The following ATXN7 variants were observed in gnomAD, a reference collection of about 807,000 sequenced individuals.
ATXN7 encodes ataxin 7.
A neutral mutation model predicts 70.5 loss-of-function variants in ATXN7; 12 were observed. The ratio of observed to expected loss-of-function variants is 0.17; its 90% CI spans 0.11 to 0.28. The LOEUF is 0.28. ATXN7 is among the 10% of genes least tolerant of loss of function. The pLI, the probability that ATXN7 is intolerant of heterozygous loss-of-function variation, is 1.00. For synonymous variants in ATXN7, 498 were observed against 448.7 expected (o/e 1.11, Z -1.39); for missense variants, 1,256 against 1,131.7 (o/e 1.11, Z -1.58).
intron 1 of ATXN7, among the ~76,000 whole-genome samples, chr3:63,865,699 G>A (rs932649699): frequency 2.0e-5 from 3 of 151,270 alleles, no homozygotes; most frequent in African/African-American, 4.9e-5. Flanking sequence ...AGACCATCCC[G>A]GCTAAAACGG....
At chr3:63,879,329 C>G (rs750312213) in intron 1 of ATXN7, among the ~76,000 whole-genome samples, 3 of 152,018 alleles carry the variant, frequency 2.0e-5, no homozygotes, top group Non-Finnish European at 4.4e-5. Context: ...TAAAATTAAA[C>G]TAACATTTAA....
chr3:63,931,966 C>T (rs2074553720), intron 4 of ATXN7, among the ~76,000 whole-genome samples: 1 of 152,194 alleles, frequency 6.6e-6, no homozygotes, highest in Admixed American at 6.5e-5. Context: ...CCTTGCATCA[C>T]TTCATGTATA....
Position 63,912,930 on chromosome 3 carries a change from GT to G in ATXN7, c.325+8del. 1 of 1,608,648 alleles carries G rather than the reference GT, an allele frequency of 6.2e-7. No individual in the cohort carries two copies. ...AAACTTCCTGGGAAGGACGGTGAGTGTCCACGCCCTCCTCCCCCCTTCACCC... is the reference window on the plus strand; with the variant it reads ...AAACTTCCTGGGAAGGACGGTGAGTGCCACGCCCTCCTCCCCCCTTCACCC... On this transcript the variant is annotated splice_region_variant and intron_variant, in intron 3 of 12. Coordinates refer to ENST00000674280, the MANE Select transcript of ATXN7 (RefSeq NM_001377405.1).
intron 5 of ATXN7, among the ~76,000 whole-genome samples, chr3:63,974,682 A>G (rs1202798709): frequency 1.3e-5 from 2 of 152,240 alleles, no homozygotes; most frequent in East Asian, 1.9e-4. Context: ...ATCCCGTAGC[A>G]TGGTGCCTGG....
chr3:63,982,853 CTG>C (rs2106762589), intron 7 of ATXN7, 84 bp from the exon 8 acceptor site: 1 of 1,001,170 alleles, frequency 1.0e-6, no homozygotes, highest in Non-Finnish European at 1.6e-6. Context: ...ATTTATCTAA[CTG>C]TTGATTTCTT....
At chr3:63,875,561 T>A (rs1400812268) in intron 1 of ATXN7, among the ~76,000 whole-genome samples, 1 of 152,212 alleles carries the variant, frequency 6.6e-6, no homozygotes, top group African/African-American at 2.4e-5. Flanking sequence ...AGGAGCTGAT[T>A]TACCCCATCT....
chr3:63,972,228 C>T (rs2075322260), intron 5 of ATXN7, among the ~76,000 whole-genome samples: 1 of 152,154 alleles, frequency 6.6e-6, no homozygotes, highest in South Asian at 2.1e-4. Context: ...TTGATACATG[C>T]GTTGTTACTT....
rs1362940110 is a variant in ATXN7, at chr3:63,990,436, G to T, written c.1560+62G>T. 6.9e-6 allele frequency: 11 copies of T among 1,585,826 alleles called. No individual in the cohort carries two copies. The East Asian group carries it at 1.3e-4, about 19-fold the overall frequency. On this transcript the variant is annotated intron_variant, in intron 10 of 12. Coordinates refer to ENST00000674280, the MANE Select transcript of ATXN7 (RefSeq NM_001377405.1). ...ACACAGCATGGACAGGGCACTGCAGGGGGGCGCGCCAGGGATCTTGGCATG... is the reference window on the plus strand; with the variant it reads ...ACACAGCATGGACAGGGCACTGCAGTGGGGCGCGCCAGGGATCTTGGCATG...
chr3:63,895,444 C>T (rs9825705), intron 1 of ATXN7, among the ~76,000 whole-genome samples: 13 of 152,054 alleles, frequency 8.5e-5, no homozygotes, highest in African/African-American at 3.1e-4. Context: ...TTTTATAACA[C>T]ATTCTGGTGA....
intron 4 of ATXN7, among the ~76,000 whole-genome samples, chr3:63,936,427 A>G (rs746527901): frequency 5.3e-5 from 8 of 152,202 alleles, no homozygotes; most frequent in Admixed American, 2.0e-4. Flanking sequence ...GAAAATAGCC[A>G]ACTGAATGCT....
chr3:63,981,818 A>G (rs1465222062), intron 6 of ATXN7, among the ~76,000 whole-genome samples: 3 of 152,234 alleles, frequency 2.0e-5, no homozygotes, highest in Non-Finnish European at 4.4e-5. Flanking sequence ...TCCTCAAAAG[A>G]TATTCTCCAA....
At chr3:63,963,065 G>A (rs972934389) in intron 5 of ATXN7, among the ~76,000 whole-genome samples, 8 of 151,534 alleles carry the variant, frequency 5.3e-5, no homozygotes, top group South Asian at 4.2e-4. Context: ...ACAGGCACAC[G>A]CCACCACACC....
chr3:63,885,884 G>C (rs528300316), intron 1 of ATXN7, among the ~76,000 whole-genome samples: 1 of 152,268 alleles, frequency 6.6e-6, no homozygotes, highest in East Asian at 1.9e-4. Context: ...GGGCATGGTA[G>C]CATGCACCTG....
intron 1 of ATXN7, among the ~76,000 whole-genome samples, chr3:63,876,228 T>A (rs1440016748): frequency 1.3e-5 from 2 of 152,184 alleles, no homozygotes; most frequent in East Asian, 3.9e-4. Flanking sequence ...CCTTATACTT[T>A]TTTCACTGGC....
At chr3:63,931,271 G>T (rs1297879675) in intron 4 of ATXN7, among the ~76,000 whole-genome samples, 1 of 152,142 alleles carries the variant, frequency 6.6e-6, no homozygotes, top group African/African-American at 2.4e-5. Context: ...ATTGTTTCTA[G>T]TGCTGATCTT....
At chr3:63,891,314 C>T (rs1399637223) in intron 1 of ATXN7, among the ~76,000 whole-genome samples, 3 of 149,566 alleles carry the variant, frequency 2.0e-5, no homozygotes, top group Admixed American at 1.3e-4. Context: ...CTGCACCTGG[C>T]CCCAGCACTT....
Position 63,996,613 on chromosome 3 carries a change from T to A in ATXN7, c.2661+130T>A, listed in dbSNP as rs1009561814. The A allele has an allele frequency of 1.0e-5, 6 of 581,918 alleles. No homozygotes were observed. In the Admixed American group the frequency reaches 2.6e-4, roughly 25 times the overall value. 36.0% of individuals were successfully genotyped at this position (581,918 alleles called of 1,614,324 possible). The stretch of plus-strand genomic sequence containing the variant: ...AACAGATATTCAGCTTCATGGTGTC[T>A]TCTTAAAAAAAAAAAAAAAAAAAAA... On this transcript the variant is annotated intron_variant, in intron 12 of 12. Coordinates refer to ENST00000674280, the MANE Select transcript of ATXN7 (RefSeq NM_001377405.1).
chr3:63,912,349 G>A (rs1206483071), intron 2 of ATXN7, among the ~76,000 whole-genome samples: 1 of 151,616 alleles, frequency 6.6e-6, no homozygotes. Context: ...CCTGCTGCCC[G>A]TCCCCTCCCT....
intron 4 of ATXN7, among the ~76,000 whole-genome samples, chr3:63,941,426 G>T (rs543694103): frequency 2.0e-5 from 3 of 152,296 alleles, no homozygotes; most frequent in Admixed American, 2.0e-4. Flanking sequence ...AACTGCACGT[G>T]CAAGGTATCT....
Sources: gnomAD v4.1 joint callset for allele counts (sites outside exome capture counted in the v4.1 genomes callset) on GRCh38, gnomAD v4.1.1 for gene constraint, MANE v1.5 for transcripts, NCBI Gene and HGNC (gene_info 2026-07-23, HGNC 2026-07-21) for gene names.